Variants in STYK1 observed in about 807,000 individuals in gnomAD.
STYK1 encodes STY kinase 1, also known as tyrosine-protein kinase STYK1.
In STYK1, 46 loss-of-function variants were observed where a neutral mutation model predicts 48.1. That is an observed-to-expected ratio of 0.96 (90% CI 0.75 to 1.22). The LOEUF is 1.22. Ranked by LOEUF, STYK1 falls within the 50% of genes most tolerant of loss-of-function variation. The pLI is 0.00. For missense variants in STYK1, 527 were observed against 521.1 expected, an observed-to-expected ratio of 1.01 and a Z score of -0.11; for synonymous variants, 188 against 189.0, an observed-to-expected ratio of 0.99 and a Z score of 0.04.
chr12:10,645,245 G>C (rs1225904259), intron 1 of STYK1, among the ~76,000 whole-genome samples: 1 of 152,170 alleles, frequency 6.6e-6, no homozygotes, highest in African/African-American at 2.4e-5. Context: ...TAGTGCAGTG[G>C]CCAGAGAGCA....
chr12:10,627,971 C>T (rs767716344), intron 6 of STYK1, among the ~76,000 whole-genome samples: 1 of 152,160 alleles, frequency 6.6e-6, no homozygotes, highest in Non-Finnish European at 1.5e-5. Flanking sequence ...TAAGACTATC[C>T]ACTGAATAAA....
chr12:10,656,252 A>G (rs532915151), intron 1 of STYK1, among the ~76,000 whole-genome samples: 1 of 152,290 alleles, frequency 6.6e-6, no homozygotes, highest in African/African-American at 2.4e-5. Flanking sequence ...CTCCCCAGCC[A>G]CGTGGAATTG....
Position 10,641,306 on chromosome 12 carries a change from T to C in STYK1, c.-194-4110A>G, listed in dbSNP as rs145646725. 4.6e-3 allele frequency among the ~76,000 whole-genome samples: 707 copies of C among 152,354 alleles called. 5 individuals are homozygous for C. The highest frequency in any genetic ancestry group is 7.3e-3 in the Non-Finnish European group (497 of 68,032). On this transcript the variant is annotated intron_variant, in intron 1 of 10. Coordinates refer to ENST00000075503, the MANE Select transcript of STYK1 (RefSeq NM_018423.3). Reference sequence around the variant, plus strand: ...GCTTTCAAATACCTTGTTCCTACTGTTGTCAGTGACCTTGCATTTCCAAGG... The same window carrying C: ...GCTTTCAAATACCTTGTTCCTACTGCTGTCAGTGACCTTGCATTTCCAAGG...
At chr12:10,643,410 A>C (rs951839469) in intron 1 of STYK1, among the ~76,000 whole-genome samples, 1 of 152,066 alleles carries the variant, frequency 6.6e-6, no homozygotes, top group Non-Finnish European at 1.5e-5. Context: ...CACACTGAAA[A>C]CCTGAGTTGC....
intron 10 of STYK1, 134 bp from the exon 11 acceptor site, chr12:10,620,482 T>C: frequency 1.3e-6 from 1 of 777,938 alleles, no homozygotes; most frequent in Non-Finnish European, 2.1e-6. Flanking sequence ...TTACTCATAT[T>C]CTTCCCAGAG....
chr12:10,656,797 G>T (rs1484173770), intron 1 of STYK1, among the ~76,000 whole-genome samples: 4 of 152,160 alleles, frequency 2.6e-5, no homozygotes, highest in Non-Finnish European at 5.9e-5. Flanking sequence ...TTGGAAAAAA[G>T]CCTCTGTTTT....
At chr12:10,632,954 C>A (rs890208421) in intron 4 of STYK1, among the ~76,000 whole-genome samples, 1 of 152,062 alleles carries the variant, frequency 6.6e-6, no homozygotes, top group African/African-American at 2.4e-5. Flanking sequence ...AATTTCAGGA[C>A]CTTTGTTTTG....
rs897880 is a variant in STYK1, at chr12:10,622,218, A to C, written c.968-246T>G. On this transcript the variant is annotated intron_variant, in intron 9 of 10. Transcript: ENST00000075503. ...CTTGAATCTCTAAGAAAGTGATCAA[A>C]TAAGACAAAGTAAGACATAAGACCT... 0.34 allele frequency among the ~76,000 whole-genome samples: 51,362 copies of C among 151,966 alleles called. 9,613 individuals are homozygous for C. Among genetic ancestry groups the C allele is most frequent in the East Asian group, 0.78 (4,025 of 5,142 alleles).
At chr12:10,641,764 C>A (rs1947547599) in intron 1 of STYK1, among the ~76,000 whole-genome samples, 2 of 152,182 alleles carry the variant, frequency 1.3e-5, no homozygotes, top group Non-Finnish European at 2.9e-5. Flanking sequence ...GAAAAAGACA[C>A]TTCTGGGAAC....
intron 2 of STYK1, among the ~76,000 whole-genome samples, chr12:10,635,961 A>T (rs1465165085): frequency 6.6e-6 from 1 of 152,228 alleles, no homozygotes; most frequent in African/African-American, 2.4e-5. Context: ...GAAAGAAAAT[A>T]TGATTTTCTG....
At chr12:10,656,837 A>G (rs955154093) in intron 1 of STYK1, among the ~76,000 whole-genome samples, 1 of 152,186 alleles carries the variant, frequency 6.6e-6, no homozygotes, top group Non-Finnish European at 1.5e-5. Flanking sequence ...TTGAAAGGGG[A>G]TAAATAAATC....
At chr12:10,639,863 A>G (rs1947525124) in intron 1 of STYK1, among the ~76,000 whole-genome samples, 1 of 152,246 alleles carries the variant, frequency 6.6e-6, no homozygotes, top group African/African-American at 2.4e-5. Context: ...AAGGAATTAC[A>G]TTGGAATCCA....
At chr12:10,633,741 A>G (rs1188191733) in intron 4 of STYK1, among the ~76,000 whole-genome samples, 7 of 152,136 alleles carry the variant, frequency 4.6e-5, no homozygotes, top group Non-Finnish European at 1.0e-4. Flanking sequence ...GTCCAACAGG[A>G]ATAGAAACAG....
intron 1 of STYK1, among the ~76,000 whole-genome samples, chr12:10,648,703 C>T (rs1280302966): frequency 1.3e-5 from 2 of 151,846 alleles, no homozygotes; most frequent in African/African-American, 4.8e-5. Context: ...GATCTTGGCT[C>T]ACTGCAGACT....
chr12:10,660,713 A>G (rs1000952919), intron 1 of STYK1, among the ~76,000 whole-genome samples: 1 of 152,164 alleles, frequency 6.6e-6, no homozygotes, highest in African/African-American at 2.4e-5. Flanking sequence ...GGTCATCCTC[A>G]TTGCTCATTA....
intron 1 of STYK1, among the ~76,000 whole-genome samples, chr12:10,665,343 C>T (rs952308273): frequency 5.9e-5 from 9 of 152,136 alleles, no homozygotes; most frequent in South Asian, 2.1e-4. Flanking sequence ...TCACAAATGC[C>T]GTAGAATGCC....
At chr12:10,631,357 C>T in intron 4 of STYK1, 49 bp from the exon 5 acceptor site, 1 of 1,593,220 alleles carries the variant, frequency 6.3e-7, no homozygotes, top group Non-Finnish European at 8.6e-7. Flanking sequence ...CCTGGGGATC[C>T]CGGAAAGCAG....
intron 1 of STYK1, among the ~76,000 whole-genome samples, chr12:10,643,226 T>G (rs1040238574): frequency 1.3e-5 from 2 of 152,164 alleles, no homozygotes; most frequent in African/African-American, 2.4e-5. Flanking sequence ...TAAGTGAGAT[T>G]GAAATTTTAC....
chr12:10,646,040 T>C (rs899923705), intron 1 of STYK1, among the ~76,000 whole-genome samples: 4 of 152,214 alleles, frequency 2.6e-5, no homozygotes, highest in Non-Finnish European at 4.4e-5. Flanking sequence ...CCTCTTTCTT[T>C]TGTAAATTGC....
Sources: allele counts gnomAD v4.1 joint callset (sites outside exome capture counted in the v4.1 genomes callset), GRCh38; gene constraint gnomAD v4.1.1; transcripts MANE v1.5; gene names NCBI Gene and HGNC (gene_info 2026-07-23, HGNC 2026-07-21).